The following RNF6 variants were observed in gnomAD, a reference collection of about 807,000 sequenced individuals.
RNF6 encodes the protein ring finger protein 6.
In RNF6, 21 loss-of-function variants were observed where a neutral mutation model predicts 50.1. The observed-to-expected ratio is 0.42, with a 90% CI of 0.30 to 0.60. RNF6 has a LOEUF of 0.60. RNF6 is among the 20% of genes least tolerant of loss of function. RNF6 has a pLI of 0.20. For missense variants in RNF6, 698 were observed against 838.2 expected (o/e 0.83, Z 2.07); for synonymous variants, 255 against 291.8 (o/e 0.87, Z 1.29).
chr13:26,152,926 G>A (rs949676363), intron 5 of RNF6, among the ~76,000 whole-genome samples: 12 of 152,126 alleles, frequency 7.9e-5, no homozygotes, highest in African/African-American at 1.2e-4. Context: ...AGGCCGAGGC[G>A]GGCGGATCAT....
intron 5 of RNF6, among the ~76,000 whole-genome samples, chr13:26,188,304 C>T (rs1393262342): frequency 2.0e-5 from 3 of 152,196 alleles, no homozygotes; most frequent in Non-Finnish European, 4.4e-5. Flanking sequence ...TATCCCTCCC[C>T]TTCTACCCCA....
intron 5 of RNF6, among the ~76,000 whole-genome samples, chr13:26,206,083 C>T (rs1869093490): frequency 6.6e-6 from 1 of 152,174 alleles, no homozygotes; most frequent in South Asian, 2.1e-4. Flanking sequence ...AAGGGTTAAC[C>T]TGCTCTACCA....
chr13:26,169,935 T>G (rs1872616510), intron 5 of RNF6, among the ~76,000 whole-genome samples: 1 of 152,234 alleles, frequency 6.6e-6, no homozygotes, highest in African/African-American at 2.4e-5. Flanking sequence ...TTAAAAAGTC[T>G]TCCTTGCCTG....
intron 5 of RNF6, among the ~76,000 whole-genome samples, chr13:26,155,433 G>A (rs1390962177): frequency 2.6e-5 from 4 of 151,870 alleles, no homozygotes; most frequent in African/African-American, 7.3e-5. Context: ...AAAACTGCAC[G>A]CATCCCAAAT....
At chr13:26,188,967 T>C (rs1873691924) in intron 5 of RNF6, among the ~76,000 whole-genome samples, 2 of 152,090 alleles carry the variant, frequency 1.3e-5, no homozygotes, top group African/African-American at 2.4e-5. Context: ...AAACTGATTA[T>C]TGTAGACTCA....
intron 5 of RNF6, among the ~76,000 whole-genome samples, chr13:26,179,928 C>T (rs907969312): frequency 1.3e-5 from 2 of 152,180 alleles, no homozygotes; most frequent in African/African-American, 2.4e-5. Context: ...GCAGTCAAGG[C>T]AAGAAGTTGC....
chr13:26,201,217 A>T (rs1403411850), intron 5 of RNF6, among the ~76,000 whole-genome samples: 1 of 152,192 alleles, frequency 6.6e-6, no homozygotes, highest in Non-Finnish European at 1.5e-5. Flanking sequence ...ATACATCACT[A>T]CTAAGAACCT....
intron 5 of RNF6, among the ~76,000 whole-genome samples, chr13:26,178,591 CGTGT>C (rs3981342): frequency 0.042 from 4,246 of 100,180 alleles, 71 homozygotes; most frequent in South Asian, 0.078. Context: ...CTGCCTGGTC[CGTGT>C]GTGTGTGTGT....
At chr13:26,161,026 C>G (rs557096575) in intron 5 of RNF6, among the ~76,000 whole-genome samples, 5 of 152,176 alleles carry the variant, frequency 3.3e-5, no homozygotes, top group African/African-American at 1.2e-4. Context: ...GGGGTTAGGG[C>G]TTCAACATTT....
chr13:26,191,576 C>A (rs897313971), intron 5 of RNF6, among the ~76,000 whole-genome samples: 2 of 152,110 alleles, frequency 1.3e-5, no homozygotes, highest in Admixed American at 1.3e-4. Flanking sequence ...TGAGTTCTCA[C>A]AAGATCTGAT....
intron 5 of RNF6, among the ~76,000 whole-genome samples, chr13:26,167,928 A>C (rs1593162019): frequency 1.3e-5 from 2 of 152,250 alleles, no homozygotes; most frequent in East Asian, 3.8e-4. Context: ...TATTATCCTT[A>C]GCAAACTAAC....
chr13:26,177,769 G>A (rs1042751215), intron 5 of RNF6, among the ~76,000 whole-genome samples: 6 of 152,164 alleles, frequency 3.9e-5, no homozygotes, highest in South Asian at 2.1e-4. Context: ...AAAAGGCTAC[G>A]GCAAGCCACT....
intron 5 of RNF6, among the ~76,000 whole-genome samples, chr13:26,148,628 CTCT>C (rs1871374514): frequency 5.9e-5 from 1 of 16,982 alleles, no homozygotes; most frequent in South Asian, 2.6e-3. Flanking sequence ...TAGTATAAAT[CTCT>C]TTATATATAT....
At chr13:26,148,549 T>G (rs1871369466) in intron 5 of RNF6, among the ~76,000 whole-genome samples, 1 of 148,014 alleles carries the variant, frequency 6.8e-6, no homozygotes, top group African/African-American at 2.5e-5. Context: ...CTCAAAATTC[T>G]GTTCCTGTAG....
intron 5 of RNF6, among the ~76,000 whole-genome samples, chr13:26,186,904 A>T (rs1442747676): frequency 6.6e-6 from 1 of 151,716 alleles, no homozygotes; most frequent in Non-Finnish European, 1.5e-5. Context: ...CAGCCTCCCG[A>T]GTAGCTGGGA....
downstream of RNF6, among the ~76,000 whole-genome samples, chr13:26,207,922 G>A (rs1869173780): frequency 6.6e-6 from 1 of 152,222 alleles, no homozygotes. Context: ...TAGAGGCATT[G>A]GCTGTGCTAG....
chr13:26,184,789 A>C (rs1873437385), intron 5 of RNF6, among the ~76,000 whole-genome samples: 1 of 152,130 alleles, frequency 6.6e-6, no homozygotes, highest in African/African-American at 2.4e-5. Context: ...ACGTAGATTG[A>C]ATGCTAAGCA....
intron 4 of RNF6, among the ~76,000 whole-genome samples, chr13:26,216,276 C>T (rs990952137): frequency 5.3e-5 from 8 of 152,112 alleles, no homozygotes; most frequent in East Asian, 1.9e-4. Flanking sequence ...TAAAATAAGA[C>T]GCTATATATA....
chr13:26,145,062 A>T (rs1566406380), intron 5 of RNF6, among the ~76,000 whole-genome samples: 2 of 152,292 alleles, frequency 1.3e-5, no homozygotes, highest in South Asian at 2.1e-4. Context: ...GAACAGTGAA[A>T]CTGTTACTGC....
Sources: gnomAD v4.1 joint callset for allele counts (sites outside exome capture counted in the v4.1 genomes callset) on GRCh38, gnomAD v4.1.1 for gene constraint, MANE v1.5 for transcripts, NCBI Gene and HGNC (gene_info 2026-07-23, HGNC 2026-07-21) for gene names.